DEAF1: variants seen among roughly 807,000 people sequenced by gnomAD.
The protein encoded by DEAF1 is deformed epidermal autoregulatory factor 1 homolog.
Under a neutral mutation model 58.9 loss-of-function variants are expected in DEAF1, and 53 were observed. The observed-to-expected ratio is 0.90, with a 90% CI of 0.72 to 1.13. The LOEUF (loss-of-function observed/expected upper bound fraction) is 1.13, where lower values mean the gene tolerates loss of function less well. DEAF1 is among the 50% of genes most tolerant of loss of function. The pLI, the probability that DEAF1 is intolerant of heterozygous loss-of-function variation, is 0.00. For missense variants in DEAF1, 685 were observed against 791.4 expected (o/e 0.87, Z 1.61); for synonymous variants, 385 against 340.4 (o/e 1.13, Z -1.44).
chr11:692,995 G>A (rs986848876), intron 1 of DEAF1, among the ~76,000 whole-genome samples: 2 of 152,328 alleles, frequency 1.3e-5, no homozygotes, highest in African/African-American at 4.8e-5. Context: ...CCAGGCCCAT[G>A]GCAGCCCTGG....
intron 1 of DEAF1, chr11:700,229 T>C: frequency 1.2e-6 from 2 of 1,613,420 alleles, no homozygotes; most frequent in South Asian, 1.1e-5. Flanking sequence ...GATGATCACG[T>C]ATAAAAGTAA....
chr11:679,713 C>T lies in DEAF1; in HGVS notation c.1101G>A (p.Gln367=). 6.2e-7 allele frequency: 1 copy of T among 1,613,312 alleles called. No homozygotes were observed. The highest frequency in any genetic ancestry group is 1.1e-5 in the South Asian group (1 of 91,092). ...ATAVISESPA[Q]GDVFAGATVQ... is the part of the protein sequence containing the mutation. ...CTGTGGCCCCTGCGAAGACGTCGCC[C>T]TGGGCCGGACTCTCTGATATGACAG... The change falls in exon 8 of 12, where the codon CAG becomes CAA. Residue 367 remains glutamine (Q), a synonymous_variant. Coordinates refer to ENST00000382409, the MANE Select transcript of DEAF1 (RefSeq NM_021008.4).
intron 10 of DEAF1, among the ~76,000 whole-genome samples, chr11:661,041 C>T (rs1859298926): frequency 2.0e-5 from 3 of 152,182 alleles, no homozygotes; most frequent in South Asian, 2.1e-4. Flanking sequence ...GTCCAACTTA[C>T]GTATTCTTCT....
intron 9 of DEAF1, chr11:678,206 C>G (rs1433619666): frequency 5.1e-6 from 1 of 195,176 alleles, no homozygotes; most frequent in Non-Finnish European, 1.1e-5. Context: ...GAGACTCAGT[C>G]TCAAAAAAAT....
At chr11:671,170 C>T (rs1047163285) in intron 10 of DEAF1, among the ~76,000 whole-genome samples, 11 of 150,932 alleles carry the variant, frequency 7.3e-5, no homozygotes, top group South Asian at 2.1e-4. Context: ...CCTCGTGATC[C>T]GCCCGCCTCG....
At chr11:695,838 C>G, upstream of DEAF1, 2 of 1,230,122 alleles carry the variant, frequency 1.6e-6, no homozygotes, top group Non-Finnish European at 2.0e-6. Flanking sequence ...ATGGCGGCCC[C>G]GCGGCGAGGT....
rs1057482881 is a variant in DEAF1 at position 694,774 on chromosome 11, C to T, written c.274G>A (p.Ala92Thr). 2.3e-6 allele frequency: 3 copies of T among 1,324,162 alleles called. No individual in the cohort carries two copies. The South Asian group carries it at 6.2e-5, about 27-fold the overall frequency. The allele number at this position is 1,324,162 out of a possible 1,614,324, so 82.0% of individuals were successfully genotyped here. ...GCGCACTTGCCTGCGAAGGCTGCGG[C>T]AGCGGCGGCCTCGTCGGGGCCGGGC... Reference protein sequence around the residue: ...ALPGPDEAAAAAAFAEVTTVT... With the variant: ...ALPGPDEAAATAAFAEVTTVT... The change falls in exon 1 of 12, where the codon GCC becomes ACC. Residue 92 changes from alanine to threonine, a missense_variant. Around this residue, in one of 3 missense-constraint regions of DEAF1, gnomAD observed 210 missense variants for 177.3 expected, o/e 1.18. Coordinates refer to ENST00000382409, the MANE Select transcript of DEAF1 (RefSeq NM_021008.4).
intron 7 of DEAF1, among the ~76,000 whole-genome samples, chr11:680,560 G>C (rs1027045444): frequency 3.3e-5 from 5 of 152,196 alleles, no homozygotes; most frequent in African/African-American, 1.2e-4. Context: ...CAGCGAGCCG[G>C]GATCCTGACG....
intron 10 of DEAF1, among the ~76,000 whole-genome samples, chr11:664,239 GA>G (rs1242438299): frequency 2.0e-5 from 3 of 148,502 alleles, no homozygotes; most frequent in Non-Finnish European, 4.5e-5. Context: ...AGAAAAAAAA[GA>G]AAAAAAGTTC....
upstream of DEAF1, chr11:700,059 G>A: frequency 8.8e-7 from 1 of 1,140,666 alleles, no homozygotes; most frequent in Non-Finnish European, 1.3e-6. Flanking sequence ...CCAAACAGAT[G>A]ACAGAACCAG....
At chr11:662,068 G>A (rs927210704) in intron 10 of DEAF1, among the ~76,000 whole-genome samples, 1 of 151,968 alleles carries the variant, frequency 6.6e-6, no homozygotes, top group African/African-American at 2.4e-5. Flanking sequence ...AGGCCGAGGT[G>A]GGCGGATCAC....
intron 10 of DEAF1, among the ~76,000 whole-genome samples, chr11:668,200 C>T (rs772546451): frequency 1.3e-5 from 2 of 152,104 alleles, no homozygotes; most frequent in African/African-American, 2.4e-5. Flanking sequence ...AGGGACATTA[C>T]AGACAAAAAC....
chr11:695,113 C>G lies in DEAF1; in HGVS notation c.-66G>C. The G allele has an allele frequency of 7.3e-7, 1 of 1,362,116 alleles. No homozygotes were observed. The highest frequency in any genetic ancestry group is 9.5e-7 in the Non-Finnish European group (1 of 1,051,882). 84.4% of individuals were successfully genotyped at this position (1,362,116 alleles called of 1,614,324 possible). A position where few individuals can be genotyped will look rare whatever the true frequency, so the allele number is the denominator to read the frequency against. ...CGCCCGAAGCGCCGGTCGCGGAGCC[C>G]GAAGCGGGGCCCGAAGAGGACGCCC... On this transcript the variant is annotated 5_prime_UTR_variant, in exon 1 of 12. Transcript: ENST00000382409.
chr11:690,092 C>T (rs1860760826), intron 2 of DEAF1, among the ~76,000 whole-genome samples: 1 of 147,286 alleles, frequency 6.8e-6, no homozygotes, highest in Non-Finnish European at 1.5e-5. Flanking sequence ...ATTGGGAGGC[C>T]GAGATGGTAG....
chr11:644,367 G>A lies in DEAF1; in HGVS notation c.*183C>T. The A allele has an allele frequency of 6.2e-6, 4 of 649,234 alleles. No individual in the cohort carries two copies. In the South Asian group the frequency reaches 6.9e-5, roughly 11 times the overall value. The allele number at this position is 649,234 out of a possible 1,614,324, so 40.2% of individuals were successfully genotyped here. A position where few individuals can be genotyped will look rare whatever the true frequency, so the allele number is the denominator to read the frequency against. On this transcript the variant is annotated 3_prime_UTR_variant, in exon 12 of 12. Transcript: ENST00000382409. The surrounding 1 kb of genome is among the most constrained non-coding windows in gnomAD (Gnocchi z 4.3). Reference sequence around the variant, plus strand: ...CGCGAGCGGGCAGGGGGCCCGGGCAGGGGGAGTGCGCTTCCCAGGGCACCA... The same window carrying A: ...CGCGAGCGGGCAGGGGGCCCGGGCAAGGGGAGTGCGCTTCCCAGGGCACCA...
In DEAF1 at chr11:644,517, G is replaced by C. The variant is rs766316048; in HGVS notation, c.*33C>G. On this transcript the variant is annotated 3_prime_UTR_variant, in exon 12 of 12. Transcript: ENST00000382409. The surrounding 1 kb of genome is among the most constrained non-coding windows in gnomAD (Gnocchi z 4.3). ...CTGCAAAAGCCTCACAGGAGTGCGAGGGGCCCCAGCTCCCAGGGCGGCCGA... is the reference window on the plus strand; with the variant it reads ...CTGCAAAAGCCTCACAGGAGTGCGACGGGCCCCAGCTCCCAGGGCGGCCGA... 3 of 1,586,990 alleles carry C rather than the reference G, an allele frequency of 1.9e-6. No individual in the cohort carries two copies. Among genetic ancestry groups the C allele is most frequent in the Admixed American group, 3.4e-5 (2 of 59,400 alleles).
intron 10 of DEAF1, among the ~76,000 whole-genome samples, chr11:663,660 C>T (rs2133327306): frequency 6.6e-6 from 1 of 151,506 alleles, no homozygotes; most frequent in Non-Finnish European, 1.5e-5. Flanking sequence ...AGGCTTTTGG[C>T]CTTTCCTCCT....
intron 10 of DEAF1, among the ~76,000 whole-genome samples, chr11:672,852 A>C (rs1433519117): frequency 6.6e-6 from 1 of 152,084 alleles, no homozygotes; most frequent in African/African-American, 2.4e-5. Flanking sequence ...CGTCTCAAAA[A>C]AAAAAATTTT....
intron 2 of DEAF1, among the ~76,000 whole-genome samples, chr11:690,438 C>T (rs1304992160): frequency 6.6e-6 from 1 of 151,184 alleles, no homozygotes; most frequent in Non-Finnish European, 1.5e-5. Context: ...TGTTTGCTGC[C>T]ATTCTAACAA....
Sources: gnomAD v4.1 joint callset for allele counts (sites outside exome capture counted in the v4.1 genomes callset) on GRCh38, gnomAD v4.1.1 for gene constraint, gnomAD v4.1.1 regional missense constraint, Gnocchi (gnomAD v3.1) non-coding constraint, MANE v1.5 for transcripts, NCBI Gene and HGNC (gene_info 2026-07-23, HGNC 2026-07-21) for gene names.